The following ZNF420 variants were observed in gnomAD, a reference collection of about 807,000 sequenced individuals.
ZNF420 encodes the protein ATM and p53-associated KZNF protein.
In ZNF420, 31 loss-of-function variants were observed where a neutral mutation model predicts 44.7. That is an observed-to-expected ratio of 0.69 (90% CI 0.52 to 0.94). The LOEUF (loss-of-function observed/expected upper bound fraction) is 0.94. ZNF420 is among the 40% of genes least tolerant of loss of function. The pLI is 0.00. For synonymous variants in ZNF420, 245 were observed against 267.4 expected (o/e 0.92, Z 0.82); for missense variants, 681 against 827.9 (o/e 0.82, Z 2.18).
chr19:37,056,123 G>T (rs1967749408), intron 1 of ZNF420, among the ~76,000 whole-genome samples: 1 of 151,584 alleles, frequency 6.6e-6, no homozygotes, highest in South Asian at 2.1e-4. Flanking sequence ...TTTCTGTGTG[G>T]CAGGGAGCCG....
chr19:37,089,523 A>G (rs955377237), intron 3 of ZNF420, among the ~76,000 whole-genome samples: 5 of 152,194 alleles, frequency 3.3e-5, no homozygotes, highest in African/African-American at 4.8e-5. Flanking sequence ...GTATGTGGCA[A>G]GCGCTCATGC....
Position 37,040,024 on chromosome 19 carries a change from C to T in ZNF420, c.-125+31942C>T, listed in dbSNP as rs141720257. Among the ~76,000 whole-genome samples, 484 of 152,310 alleles carry T rather than the reference C, an allele frequency of 3.2e-3. 4 individuals are homozygous for T. The highest frequency in any genetic ancestry group is 0.011 in the African/African-American group (462 of 41,574). ...GGATTACAGGCATGAGCCACCGTGG[C>T]TGGCCCCTTTGAAGCTCTGAAGCCA... On this transcript the variant is annotated intron_variant, in intron 1 of 4. Coordinates refer to the ZNF420 transcript ENST00000587029.
At chr19:37,061,492 C>T (rs752085355) in intron 1 of ZNF420, among the ~76,000 whole-genome samples, 1 of 151,908 alleles carries the variant, frequency 6.6e-6, no homozygotes, top group African/African-American at 2.4e-5. Flanking sequence ...TGATGCTATG[C>T]GGAACAGGAT....
At chr19:37,026,353 T>G (rs143050666) in intron 1 of ZNF420, among the ~76,000 whole-genome samples, 3,484 of 142,494 alleles carry the variant, frequency 0.024, 146 homozygotes, top group African/African-American at 0.087. Flanking sequence ...GGAGTTTCAC[T>G]CTTGTTGCCC....
rs1971576467 is a variant in ZNF420 at position 37,130,005 on chromosome 19, T to G, written c.*947T>G. The G allele has an allele frequency of 3.3e-6, 5 of 1,514,714 alleles. No individual in the cohort carries two copies. Among genetic ancestry groups the G allele is most frequent in the African/African-American group, 1.4e-5 (1 of 71,388 alleles). The allele number at this position is 1,514,714 out of a possible 1,614,324, so 93.8% of individuals were successfully genotyped here. On this transcript the variant is annotated 3_prime_UTR_variant, in exon 5 of 5. Transcript: ENST00000337995. ...CTACCCTATATCTATTTTCTCTTTT[T>G]TAGTAACAAATTTCTGGGCTGAAAA...
intron 1 of ZNF420, among the ~76,000 whole-genome samples, chr19:37,048,634 C>T (rs1967581714): frequency 6.6e-6 from 1 of 152,294 alleles, no homozygotes; most frequent in African/African-American, 2.4e-5. Flanking sequence ...TCACAAATGA[C>T]TTAAGGAATT....
intron 1 of ZNF420, among the ~76,000 whole-genome samples, chr19:37,011,068 TC>T (rs1568417292): frequency 6.6e-6 from 1 of 152,214 alleles, no homozygotes; most frequent in Non-Finnish European, 1.5e-5. Context: ...CTGTGCTGTA[TC>T]CTGCCTGGGC....
At chr19:37,089,315 A>T (rs1181608207) in intron 3 of ZNF420, among the ~76,000 whole-genome samples, 188 bp downstream of exon 3, 1 of 152,202 alleles carries the variant, frequency 6.6e-6, no homozygotes, top group Non-Finnish European at 1.5e-5. Context: ...CTTTAGTCAC[A>T]TACTTACTCA....
chr19:37,089,172 G>C (rs956380928), intron 3 of ZNF420, 45 bp downstream of exon 3: 7 of 1,559,510 alleles, frequency 4.5e-6, no homozygotes, highest in Non-Finnish European at 8.8e-7. Context: ...CTTTTTTACA[G>C]AGCATGTGTG....
chr19:37,073,413 C>T (rs1198210737), intron 1 of ZNF420, among the ~76,000 whole-genome samples: 3 of 152,076 alleles, frequency 2.0e-5, no homozygotes, highest in African/African-American at 7.2e-5. Context: ...AATTCCAAGT[C>T]TGGGACAGGG....
intron 4 of ZNF420, among the ~76,000 whole-genome samples, chr19:37,121,463 C>T (rs1204021148): frequency 6.6e-6 from 1 of 150,500 alleles, no homozygotes; most frequent in African/African-American, 2.5e-5. Context: ...ACACCTTATA[C>T]AAAAATTAAT....
At chr19:37,009,656 G>A (rs2074553816) in intron 1 of ZNF420, among the ~76,000 whole-genome samples, 2 of 152,216 alleles carry the variant, frequency 1.3e-5, no homozygotes. Context: ...TCCCAGGGAG[G>A]AGGGAGGCAG....
At chr19:37,115,332 G>A (rs1365045141) in intron 4 of ZNF420, among the ~76,000 whole-genome samples, 1 of 152,038 alleles carries the variant, frequency 6.6e-6, no homozygotes, top group Non-Finnish European at 1.5e-5. Flanking sequence ...CTCACCATAC[G>A]GAGGACCCGC....
chr19:37,124,315 G>A (rs1971227162), intron 4 of ZNF420, among the ~76,000 whole-genome samples: 1 of 152,216 alleles, frequency 6.6e-6, no homozygotes, highest in East Asian at 1.9e-4. Context: ...TTATTGCTGA[G>A]TAATGTTCCA....
chr19:37,087,549 C>T (rs1277141766), intron 2 of ZNF420, among the ~76,000 whole-genome samples: 1 of 152,180 alleles, frequency 6.6e-6, no homozygotes, highest in Non-Finnish European at 1.5e-5. Context: ...CAATGATTCT[C>T]TGCAGGGGCA....
chr19:37,127,101 A>AT (rs1369109273), intron 4 of ZNF420, 27 bp from the exon 5 acceptor site: 4 of 1,440,370 alleles, frequency 2.8e-6, no homozygotes, highest in African/African-American at 2.9e-5. Flanking sequence ...ATATTTCTCA[A>AT]TTTTTTTATT....
intron 2 of ZNF420, among the ~76,000 whole-genome samples, chr19:37,088,093 G>C (rs1420270073): frequency 6.6e-6 from 1 of 152,178 alleles, no homozygotes; most frequent in African/African-American, 2.4e-5. Flanking sequence ...TGTGAAAGTA[G>C]CCAAAGGCAC....
chr19:37,081,532 T>C (rs890169174), intron 2 of ZNF420, among the ~76,000 whole-genome samples: 23 of 150,328 alleles, frequency 1.5e-4, no homozygotes, highest in Non-Finnish European at 3.3e-4. Context: ...GGCAGAGTCT[T>C]GCTTTGTCAC....
At chr19:37,091,881 C>A (rs944916318) in intron 4 of ZNF420, 1 of 145,356 alleles carries the variant, frequency 6.9e-6, no homozygotes, top group Non-Finnish European at 1.5e-5. Context: ...GAGCTGAGAT[C>A]ACATCACTGT....
Sources: allele counts gnomAD v4.1 joint callset (sites outside exome capture counted in the v4.1 genomes callset), GRCh38; gene constraint gnomAD v4.1.1; transcripts MANE v1.5; gene names NCBI Gene and HGNC (gene_info 2026-07-23, HGNC 2026-07-21).